ADK: variants seen among roughly 807,000 people sequenced by gnomAD.
ADK encodes N6,N6-dimethyladenosine kinase.
In ADK, 24 loss-of-function variants were observed where a neutral mutation model predicts 44.7. That is an observed-to-expected ratio of 0.54 (90% CI 0.39 to 0.76). ADK has a LOEUF of 0.76. ADK is among the 30% of genes least tolerant of loss of function. The pLI, the probability that ADK is intolerant of heterozygous loss-of-function variation, is 0.00. For missense variants in ADK, 321 were observed against 425.1 expected (o/e 0.76, Z 2.15); for synonymous variants, 128 against 142.6 (o/e 0.90, Z 0.73).
chr10:74,443,869 T>C (rs1845506908), intron 6 of ADK, among the ~76,000 whole-genome samples: 1 of 152,146 alleles, frequency 6.6e-6, no homozygotes, highest in Non-Finnish European at 1.5e-5. Flanking sequence ...CTTGAAGAAA[T>C]ATATAATGTA....
At chr10:74,201,838 A>G (rs1440172512) in intron 2 of ADK, among the ~76,000 whole-genome samples, 1 of 152,110 alleles carries the variant, frequency 6.6e-6, no homozygotes, top group Non-Finnish European at 1.5e-5. Context: ...AGTAGTAAAA[A>G]AGATTAATGA....
intron 3 of ADK, among the ~76,000 whole-genome samples, chr10:74,229,391 C>CTTTTTTT (rs371346131): frequency 1.0e-5 from 1 of 97,240 alleles, no homozygotes; most frequent in African/African-American, 4.3e-5. Context: ...ATCTGGTATG[C>CTTTTTTT]TTTTTTTTTT....
At chr10:74,350,061 A>G (rs1219319520) in intron 4 of ADK, among the ~76,000 whole-genome samples, 3 of 152,214 alleles carry the variant, frequency 2.0e-5, no homozygotes, top group Non-Finnish European at 4.4e-5. Context: ...AAGCGGACCT[A>G]ATAGACATGG....
At chr10:74,326,743 A>G (rs1321421311) in intron 4 of ADK, among the ~76,000 whole-genome samples, 1 of 151,962 alleles carries the variant, frequency 6.6e-6, no homozygotes, top group Non-Finnish European at 1.5e-5. Flanking sequence ...GTCTGTTCTA[A>G]TTTTCTATAT....
chr10:74,232,240 C>T (rs746089085), intron 3 of ADK, among the ~76,000 whole-genome samples: 197 of 152,052 alleles, frequency 1.3e-3, no homozygotes, highest in Non-Finnish European at 2.0e-3. Context: ...AATAATTGGC[C>T]GAGTGTGGTA....
At chr10:74,303,806 A>G (rs1470554380) in intron 3 of ADK, among the ~76,000 whole-genome samples, 2 of 151,696 alleles carry the variant, frequency 1.3e-5, no homozygotes, top group East Asian at 3.9e-4. Context: ...CGTCTCTACT[A>G]AAAATATAAA....
At chr10:74,391,505 A>G (rs1010282100) in intron 4 of ADK, among the ~76,000 whole-genome samples, 10 of 151,958 alleles carry the variant, frequency 6.6e-5, no homozygotes, top group Non-Finnish European at 1.3e-4. Flanking sequence ...ACAAAATTAT[A>G]TATACATTCT....
intron 7 of ADK, among the ~76,000 whole-genome samples, chr10:74,577,110 CTG>C (rs146683037): frequency 0.18 from 24,289 of 137,232 alleles, 2,071 homozygotes; most frequent in Middle Eastern, 0.21. Context: ...TATTATTTCT[CTG>C]TGTGTGTGTG....
At chr10:74,474,254 C>T in intron 6 of ADK, among the ~76,000 whole-genome samples, 1 of 151,944 alleles carries the variant, frequency 6.6e-6, no homozygotes, top group Non-Finnish European at 1.5e-5. Context: ...TAGGCATGTG[C>T]CACCACGCCC....
At chr10:74,343,371 G>T (rs916528141) in intron 4 of ADK, among the ~76,000 whole-genome samples, 6 of 152,032 alleles carry the variant, frequency 3.9e-5, no homozygotes, top group African/African-American at 1.4e-4. Flanking sequence ...ATCATATAAA[G>T]AATATATTAT....
intron 3 of ADK, among the ~76,000 whole-genome samples, chr10:74,303,390 A>C (rs1384725784): frequency 6.6e-6 from 1 of 152,094 alleles, no homozygotes; most frequent in East Asian, 1.9e-4. Flanking sequence ...TTAAAAACAC[A>C]CTTTCAGTTT....
chr10:74,637,823 G>T (rs1853669607), intron 9 of ADK, among the ~76,000 whole-genome samples: 1 of 152,212 alleles, frequency 6.6e-6, no homozygotes, highest in Admixed American at 6.5e-5. Flanking sequence ...GCAGGAAGGG[G>T]TGGGACCTTA....
chr10:74,577,867 T>G (rs1851250197), intron 7 of ADK, among the ~76,000 whole-genome samples: 1 of 152,212 alleles, frequency 6.6e-6, no homozygotes, highest in Admixed American at 6.5e-5. Flanking sequence ...CACCTTACTC[T>G]TACCACTTTA....
chr10:74,700,625 A>G (rs1448768297), intron 10 of ADK, among the ~76,000 whole-genome samples: 2 of 151,694 alleles, frequency 1.3e-5, no homozygotes, highest in Admixed American at 1.3e-4. Context: ...GTTAAAACAA[A>G]AAAAAAAAGA....
At position 74,349,783 on chromosome 10, in the gene ADK, C is replaced by G. The variant is rs35370125; in HGVS notation, c.273+35038C>G. 5.0e-3 allele frequency among the ~76,000 whole-genome samples: 760 copies of G among 151,168 alleles called. 12 individuals carry two copies. The highest frequency in any genetic ancestry group is 0.017 in the African/African-American group (708 of 41,306). ...GTTGCACTTCTAGTCTCTGATAAAA[C>G]AGGCTTTAAACTAACAAAGATCAAA... is the stretch of plus-strand genomic sequence containing the variant. On this transcript the variant is annotated intron_variant, in intron 4 of 10. Coordinates refer to ENST00000539909, the MANE Select transcript of ADK (RefSeq NM_006721.4).
chr10:74,332,025 T>G (rs1841236396), intron 4 of ADK, among the ~76,000 whole-genome samples: 1 of 151,946 alleles, frequency 6.6e-6, no homozygotes, highest in African/African-American at 2.4e-5. Context: ...AACAAATTTT[T>G]TTTTGTATTT....
intron 9 of ADK, among the ~76,000 whole-genome samples, chr10:74,654,530 G>T (rs1373639813): frequency 6.6e-6 from 1 of 152,208 alleles, no homozygotes; most frequent in African/African-American, 2.4e-5. Context: ...ATTAATTCAG[G>T]CCAGGTGCAA....
intron 4 of ADK, among the ~76,000 whole-genome samples, chr10:74,368,286 T>C (rs1334778139): frequency 6.6e-6 from 1 of 152,090 alleles, no homozygotes; most frequent in Non-Finnish European, 1.5e-5. Flanking sequence ...GTAATTTTTG[T>C]ATTTTTTGTA....
intron 1 of ADK, among the ~76,000 whole-genome samples, chr10:74,168,701 C>T (rs1842093266): frequency 6.6e-6 from 1 of 151,392 alleles, no homozygotes; most frequent in Admixed American, 6.6e-5. Context: ...CAACCTCCAC[C>T]TCCCGGGTTC....
Sources: gnomAD v4.1 joint callset for allele counts (sites outside exome capture counted in the v4.1 genomes callset) on GRCh38, gnomAD v4.1.1 for gene constraint, MANE v1.5 for transcripts, NCBI Gene and HGNC (gene_info 2026-07-23, HGNC 2026-07-21) for gene names.